Variants in ASTN2 observed in about 807,000 individuals in gnomAD.
The protein encoded by ASTN2 is astrotactin 2.
ASTN2 carries 54 observed loss-of-function variants against 139.8 expected under a neutral mutation model. The ratio of observed to expected loss-of-function variants is 0.39; its 90% CI spans 0.31 to 0.48. ASTN2 has a LOEUF of 0.48. Ranked by LOEUF, ASTN2 falls within the 20% of genes least tolerant of loss-of-function variation. ASTN2 has a pLI of 0.95. For missense variants in ASTN2, 1,565 were observed against 1,725.1 expected (o/e 0.91, Z 1.64); for synonymous variants, 756 against 719.5 (o/e 1.05, Z -0.81).
chr9:116,721,565 G>A (rs1028312712), intron 16 of ASTN2, among the ~76,000 whole-genome samples: 1 of 152,164 alleles, frequency 6.6e-6, no homozygotes, highest in Non-Finnish European at 1.5e-5. Flanking sequence ...GGAATGGCAC[G>A]GGAGCAGAGG....
intron 2 of ASTN2, among the ~76,000 whole-genome samples, chr9:117,243,131 GC>G (rs1410411518): frequency 6.6e-6 from 1 of 152,162 alleles, no homozygotes; most frequent in Non-Finnish European, 1.5e-5. Flanking sequence ...GGAAACTGAG[GC>G]TTAGCAAGGT....
intron 2 of ASTN2, among the ~76,000 whole-genome samples, chr9:117,274,019 T>G (rs1834126040): frequency 6.6e-6 from 1 of 152,032 alleles, no homozygotes; most frequent in African/African-American, 2.4e-5. Context: ...TCTCCCATGG[T>G]TATGGGCCTT....
intron 4 of ASTN2, among the ~76,000 whole-genome samples, chr9:117,106,296 G>A (rs545318716): frequency 1.3e-3 from 193 of 151,714 alleles, no homozygotes; most frequent in Middle Eastern, 0.01. Context: ...GCGCAATCTC[G>A]GCTCACTGCA....
At chr9:116,653,606 G>C (rs1858045929) in intron 16 of ASTN2, among the ~76,000 whole-genome samples, 1 of 152,208 alleles carries the variant, frequency 6.6e-6, no homozygotes, top group Non-Finnish European at 1.5e-5. Context: ...ACGAAGCCTA[G>C]TAATGTCAAG....
chr9:116,715,731 G>A (rs1828293735), intron 16 of ASTN2, among the ~76,000 whole-genome samples: 1 of 152,178 alleles, frequency 6.6e-6, no homozygotes, highest in African/African-American at 2.4e-5. Flanking sequence ...TTTGAGAGCA[G>A]GGACTGTGTC....
At chr9:117,154,749 G>T (rs180979652) in intron 3 of ASTN2, among the ~76,000 whole-genome samples, 2 of 152,150 alleles carry the variant, frequency 1.3e-5, no homozygotes, top group East Asian at 1.9e-4. Flanking sequence ...TCCTGGTTCT[G>T]CCTGTTAGCA....
intron 1 of ASTN2, among the ~76,000 whole-genome samples, chr9:117,311,350 G>T (rs548140791): frequency 1.3e-5 from 2 of 152,030 alleles, no homozygotes; most frequent in African/African-American, 4.8e-5. Context: ...GTTAGTGACC[G>T]GTCTGGAATG....
chr9:116,833,026 G>T (rs1255408541), intron 11 of ASTN2, among the ~76,000 whole-genome samples: 1 of 151,238 alleles, frequency 6.6e-6, no homozygotes, highest in East Asian at 2.0e-4. Flanking sequence ...AAACTATCCA[G>T]GACAGGGATT....
intron 13 of ASTN2, among the ~76,000 whole-genome samples, chr9:116,783,445 T>C (rs1181322172): frequency 6.6e-6 from 1 of 151,650 alleles, no homozygotes; most frequent in African/African-American, 2.4e-5. Context: ...TTACTGGGCA[T>C]ACAAATAAAC....
chr9:116,652,739 C>T (rs1331913487), intron 16 of ASTN2, among the ~76,000 whole-genome samples: 1 of 152,132 alleles, frequency 6.6e-6, no homozygotes. Context: ...CTGGAAAAGA[C>T]ATCATTTCTC....
intron 3 of ASTN2, 98 bp downstream of exon 3, chr9:117,214,260 A>C: frequency 7.0e-7 from 1 of 1,433,748 alleles, no homozygotes; most frequent in Non-Finnish European, 9.4e-7. Context: ...CTTATCCCAG[A>C]AAACACTGCC....
intron 3 of ASTN2, among the ~76,000 whole-genome samples, chr9:117,149,592 G>A (rs748850147): frequency 6.6e-6 from 1 of 151,892 alleles, no homozygotes; most frequent in Non-Finnish European, 1.5e-5. Flanking sequence ...TAGTCCTAAG[G>A]TACACCTAAG....
At position 117,043,577 on chromosome 9, in the gene ASTN2, T is replaced by C. The variant is rs79086416; in HGVS notation, c.1277-3612A>G. Among the ~76,000 whole-genome samples the C allele has an allele frequency of 7.3e-3, 1,111 of 152,304 alleles. 10 individuals carry two copies. The highest frequency in any genetic ancestry group is 0.038 in the South Asian group (185 of 4,824). On this transcript the variant is annotated intron_variant, in intron 5 of 22. Coordinates refer to ENST00000313400, the MANE Select transcript of ASTN2 (RefSeq NM_001365068.1). ...CTGCTGGACTAAATTGTGTCTCCTA[T>C]GTCATTTAAAACATCACAGTAACCC... is the stretch of plus-strand genomic sequence containing the variant.
intron 10 of ASTN2, among the ~76,000 whole-genome samples, chr9:116,930,109 T>C (rs1834857954): frequency 6.6e-6 from 1 of 151,626 alleles, no homozygotes. Flanking sequence ...CTGTGATGAG[T>C]GGGGAAGGGG....
intron 16 of ASTN2, among the ~76,000 whole-genome samples, chr9:116,718,974 A>ATAT (rs1564230166): frequency 1.1e-5 from 1 of 88,102 alleles, no homozygotes; most frequent in Non-Finnish European, 2.1e-5. Context: ...CTGTATCTGT[A>ATAT]CATATATATA....
intron 16 of ASTN2, among the ~76,000 whole-genome samples, chr9:116,661,519 C>G (rs1036904251): frequency 4.6e-5 from 7 of 152,088 alleles, no homozygotes; most frequent in Admixed American, 2.0e-4. Context: ...TTGTGGTACT[C>G]AAGTGTAGAG....
Position 116,698,768 on chromosome 9 carries a change from A to G in ASTN2, c.2806+27003T>C. On this transcript the variant is annotated intron_variant, in intron 16 of 22. Transcript: ENST00000313400. This position sits in a 1 kb window ranked among gnomAD's most constrained non-coding sequence, Gnocchi z 4.4. ...CCAGCCCTAGGGCCTCACCTGCTAAACAGCGGGGTCCTGAGGCAGCCTCCA... is the reference window on the plus strand; with the variant it reads ...CCAGCCCTAGGGCCTCACCTGCTAAGCAGCGGGGTCCTGAGGCAGCCTCCA... The G allele has an allele frequency of 6.2e-7, 1 of 1,614,208 alleles. No individual in the cohort carries two copies.
intron 5 of ASTN2, among the ~76,000 whole-genome samples, chr9:117,047,879 T>C (rs1838790905): frequency 6.6e-6 from 1 of 152,098 alleles, no homozygotes; most frequent in Non-Finnish European, 1.5e-5. Context: ...TCACTACCAC[T>C]ATCACTAGTA....
intron 12 of ASTN2, among the ~76,000 whole-genome samples, chr9:116,816,896 A>AAAATAAATAAATAAAT (rs10525804): frequency 0.022 from 3,208 of 148,202 alleles, 46 homozygotes; most frequent in Middle Eastern, 0.045. Flanking sequence ...GGTAGAAATG[A>AAAATAAATAAATAAAT]AAATAAATAA....
Sources: gnomAD v4.1 joint callset for allele counts (sites outside exome capture counted in the v4.1 genomes callset) on GRCh38, gnomAD v4.1.1 for gene constraint, Gnocchi (gnomAD v3.1) non-coding constraint, MANE v1.5 for transcripts, NCBI Gene and HGNC (gene_info 2026-07-23, HGNC 2026-07-21) for gene names.